Variants in DRC4 observed in about 807,000 individuals in gnomAD.
DRC4 encodes the protein dynein regulatory complex subunit 4.
At chr16:90,042,219 A>G in the DRC4 span, 4 of 548,176 alleles carry the variant, frequency 7.3e-6, no homozygotes, top group Middle Eastern at 3.1e-4. Context: ...CACAGGTGTG[A>G]GCGGCAGTGC....
the DRC4 span, chr16:90,037,306 G>A: frequency 2.5e-6 from 4 of 1,614,064 alleles, no homozygotes; most frequent in Non-Finnish European, 3.4e-6. Flanking sequence ...GGCAGAACAA[G>A]CGCCTGGCAG....
chr16:90,020,423 G>A, the DRC4 span, among the ~76,000 whole-genome samples: 6 of 152,336 alleles, frequency 3.9e-5, no homozygotes, highest in South Asian at 6.2e-4. Flanking sequence ...TTTACCTGGT[G>A]GATAGTGGGT....
the DRC4 span, chr16:90,036,308 A>G: frequency 7.4e-7 from 1 of 1,349,960 alleles, no homozygotes; most frequent in Non-Finnish European, 1.0e-6. Context: ...GCCCGTTTAC[A>G]GGCTCCATGT....
chr16:90,044,152 A>T, the DRC4 span: 2 of 455,542 alleles, frequency 4.4e-6, no homozygotes, highest in South Asian at 3.1e-5. Flanking sequence ...CCAGTAAGTC[A>T]GGCGCTTCTG....
chr16:90,033,223 C>A, the DRC4 span, among the ~76,000 whole-genome samples: 2 of 152,162 alleles, frequency 1.3e-5, no homozygotes, highest in Non-Finnish European at 2.9e-5. Context: ...GAGACTTTTC[C>A]TAGGGAATAG....
chr16:90,023,172 C>T, the DRC4 span, among the ~76,000 whole-genome samples: 1 of 152,330 alleles, frequency 6.6e-6, no homozygotes, highest in Non-Finnish European at 1.5e-5. Context: ...CCTTTGGTCT[C>T]CCGGATGGAG....
chr16:90,031,324 G>A, the DRC4 span: 155 of 1,613,218 alleles, frequency 9.6e-5, no homozygotes, highest in Non-Finnish European at 1.1e-4. Flanking sequence ...AGCCGCATCC[G>A]GGAGGAGCTG....
At chr16:90,044,340 G>T in the DRC4 span, 1 of 410,430 alleles carries the variant, frequency 2.4e-6, no homozygotes, top group Non-Finnish European at 4.9e-6. Context: ...TTGCTGCCTG[G>T]ACACCTTTCT....
the DRC4 span, chr16:90,037,904 A>AC: frequency 6.8e-7 from 1 of 1,470,826 alleles, no homozygotes; most frequent in Non-Finnish European, 9.5e-7. Flanking sequence ...GCAACGGTTC[A>AC]CCAAGTTCAC....
the DRC4 span, chr16:90,036,319 T>A: frequency 7.0e-7 from 1 of 1,430,448 alleles, no homozygotes; most frequent in Non-Finnish European, 9.6e-7. Context: ...GGCTCCATGT[T>A]CTGTAGCCGT....
the DRC4 span, among the ~76,000 whole-genome samples, chr16:90,025,479 T>C: frequency 5.3e-5 from 8 of 150,458 alleles, no homozygotes; most frequent in African/African-American, 2.0e-4. Context: ...TGAAACCCCG[T>C]CTCTACTAAA....
the DRC4 span, among the ~76,000 whole-genome samples, chr16:90,024,504 A>G: frequency 6.6e-6 from 1 of 152,142 alleles, no homozygotes. Context: ...TTAAGGAAAA[A>G]CATGTTTTGC....
chr16:90,032,853 A>G, the DRC4 span: 4 of 1,613,968 alleles, frequency 2.5e-6, no homozygotes, highest in Admixed American at 1.7e-5. Flanking sequence ...GCGCAAGGAC[A>G]TGCGGGCACT....
the DRC4 span, chr16:90,031,375 G>T: frequency 6.2e-7 from 1 of 1,613,310 alleles, no homozygotes; most frequent in African/African-American, 1.3e-5. Flanking sequence ...CAGCTGGAGC[G>T]GGACAAGATC....
At chr16:90,038,158 T>A in the DRC4 span, among the ~76,000 whole-genome samples, 3 of 152,350 alleles carry the variant, frequency 2.0e-5, no homozygotes, top group South Asian at 6.2e-4. Context: ...GGATCACACA[T>A]GACTTTCGTC....
At chr16:90,038,234 C>T in the DRC4 span, among the ~76,000 whole-genome samples, 777 of 152,258 alleles carry the variant, frequency 5.1e-3, 8 homozygotes, top group African/African-American at 0.017. Context: ...GATGAGTCTC[C>T]GGCTGCTCAG....
chr16:90,025,452 C>T, the DRC4 span, among the ~76,000 whole-genome samples: 63 of 151,318 alleles, frequency 4.2e-4, no homozygotes, highest in African/African-American at 1.4e-3. Context: ...AGTTCGAGTA[C>T]AGCCTGGCCA....
the DRC4 span, chr16:90,027,773 C>A: frequency 2.6e-6 from 4 of 1,540,084 alleles, no homozygotes; most frequent in South Asian, 3.4e-5. Context: ...GGGCGGGCAC[C>A]ACGCAGGGTG....
At chr16:90,022,755 C>T in the DRC4 span, 3 of 1,376,302 alleles carry the variant, frequency 2.2e-6, no homozygotes, top group East Asian at 6.1e-5. Flanking sequence ...GGCTGGGGTC[C>T]TCGGCAGGGG....
Sources: gnomAD v4.1 joint callset for allele counts (sites outside exome capture counted in the v4.1 genomes callset) on GRCh38, gnomAD v4.1.1 for gene constraint, MANE v1.5 for transcripts, NCBI Gene and HGNC (gene_info 2026-07-23, HGNC 2026-07-21) for gene names.